Variants in CNTNAP2 observed in about 807,000 individuals in gnomAD.
The protein encoded by CNTNAP2 is contactin-associated protein-like 2.
A neutral mutation model predicts 155.2 loss-of-function variants in CNTNAP2; 98 were observed. The ratio of observed to expected loss-of-function variants is 0.63; its 90% CI spans 0.54 to 0.75. The LOEUF (loss-of-function observed/expected upper bound fraction) is 0.75. Ranked by LOEUF, CNTNAP2 falls within the 30% of genes least tolerant of loss-of-function variation. The pLI, the probability that CNTNAP2 is intolerant of heterozygous loss-of-function variation, is 0.00. For missense variants in CNTNAP2, 1,727 were observed against 1,688.1 expected (o/e 1.02, Z -0.40); for synonymous variants, 651 against 631.2 (o/e 1.03, Z -0.47).
At chr7:146,305,002 C>A (rs916118175) in intron 1 of CNTNAP2, among the ~76,000 whole-genome samples, 1 of 152,068 alleles carries the variant, frequency 6.6e-6, no homozygotes, top group South Asian at 2.1e-4. Flanking sequence ...CTTCTCTTCT[C>A]ACTTCATTTC....
At chr7:146,644,168 A>G (rs1799767193) in intron 1 of CNTNAP2, among the ~76,000 whole-genome samples, 1 of 152,082 alleles carries the variant, frequency 6.6e-6, no homozygotes, top group Admixed American at 6.6e-5. Flanking sequence ...TCTCCTGCCT[A>G]ATTGCCCTGG....
At chr7:148,314,258 T>A (rs969657688) in intron 21 of CNTNAP2, among the ~76,000 whole-genome samples, 1 of 152,184 alleles carries the variant, frequency 6.6e-6, no homozygotes, top group African/African-American at 2.4e-5. Flanking sequence ...GAACAGAGAC[T>A]AGGGAGGGAC....
chr7:146,304,558 G>T (rs112135949), intron 1 of CNTNAP2, among the ~76,000 whole-genome samples: 3 of 151,900 alleles, frequency 2.0e-5, no homozygotes, highest in Admixed American at 6.6e-5. Context: ...TGAAATTCTG[G>T]GTTGGAAACT....
At chr7:146,755,907 G>A (rs933829206) in intron 1 of CNTNAP2, among the ~76,000 whole-genome samples, 2 of 151,790 alleles carry the variant, frequency 1.3e-5, no homozygotes, top group African/African-American at 2.4e-5. Context: ...TTGCCATATC[G>A]TTGTCCATTT....
At chr7:146,691,596 T>G (rs931538636) in intron 1 of CNTNAP2, among the ~76,000 whole-genome samples, 1 of 152,116 alleles carries the variant, frequency 6.6e-6, no homozygotes, top group Non-Finnish European at 1.5e-5. Context: ...AGCTGAAAAT[T>G]TGTAAGGCAA....
At chr7:147,278,166 C>G (rs1804946167) in intron 8 of CNTNAP2, among the ~76,000 whole-genome samples, 1 of 150,978 alleles carries the variant, frequency 6.6e-6, no homozygotes, top group Non-Finnish European at 1.5e-5. Context: ...ACTTCCATCC[C>G]TTAATTCTTG....
At chr7:147,502,079 A>G (rs1798824899) in intron 11 of CNTNAP2, among the ~76,000 whole-genome samples, 1 of 152,216 alleles carries the variant, frequency 6.6e-6, no homozygotes. Flanking sequence ...GACGACACAA[A>G]TAGATGGAAA....
At chr7:146,955,896 C>T (rs376856217) in intron 3 of CNTNAP2, among the ~76,000 whole-genome samples, 53 of 152,162 alleles carry the variant, frequency 3.5e-4, no homozygotes, top group Admixed American at 2.0e-3. Flanking sequence ...GTATTACTTA[C>T]CGCAGTAAAC....
Position 146,697,912 on chromosome 7 carries a change from G to A in CNTNAP2, c.98-76359G>A, listed in dbSNP as rs554915437. On this transcript the variant is annotated intron_variant, in intron 1 of 23. Coordinates refer to ENST00000361727, the MANE Select transcript of CNTNAP2 (RefSeq NM_014141.6). Reference sequence around the variant, plus strand: ...TCCTGCCTTCTTCAGTTTGAAGTGCGCATTTGATATTTTCTACTTTCTCTT... The same window carrying A: ...TCCTGCCTTCTTCAGTTTGAAGTGCACATTTGATATTTTCTACTTTCTCTT... Among the ~76,000 whole-genome samples, 12 of 152,042 alleles carry A rather than the reference G, an allele frequency of 7.9e-5. 1 individual carries two copies. The South Asian group carries it at 1.7e-3, about 21-fold the overall frequency.
At chr7:146,592,856 G>A (rs1388545630) in intron 1 of CNTNAP2, among the ~76,000 whole-genome samples, 1 of 152,120 alleles carries the variant, frequency 6.6e-6, no homozygotes, top group Non-Finnish European at 1.5e-5. Flanking sequence ...AGTGGTGGCA[G>A]GCTGGACAGA....
intron 1 of CNTNAP2, among the ~76,000 whole-genome samples, chr7:146,174,449 G>A (rs985771835): frequency 3.9e-5 from 6 of 151,990 alleles, no homozygotes; most frequent in Non-Finnish European, 5.9e-5. Flanking sequence ...TTGAACTCCT[G>A]ATCTCAAGTG....
chr7:146,505,324 A>G (rs1242798333), intron 1 of CNTNAP2, among the ~76,000 whole-genome samples: 2 of 152,178 alleles, frequency 1.3e-5, no homozygotes, highest in African/African-American at 4.8e-5. Flanking sequence ...GGTCTAAATG[A>G]CAAAGTAGGC....
At chr7:146,758,030 G>A (rs936020131) in intron 1 of CNTNAP2, among the ~76,000 whole-genome samples, 2 of 152,036 alleles carry the variant, frequency 1.3e-5, no homozygotes, top group African/African-American at 4.8e-5. Flanking sequence ...TTTATTTTTT[G>A]TAATGACATT....
chr7:147,545,108 G>A (rs1015939451), intron 11 of CNTNAP2, among the ~76,000 whole-genome samples: 2 of 152,008 alleles, frequency 1.3e-5, no homozygotes, highest in Non-Finnish European at 2.9e-5. Context: ...GGTGTAAAGA[G>A]GAATATAAGT....
chr7:147,461,377 A>T (rs2116588299), intron 10 of CNTNAP2, among the ~76,000 whole-genome samples: 1 of 152,306 alleles, frequency 6.6e-6, no homozygotes, highest in South Asian at 2.1e-4. Context: ...GAAGAGAATA[A>T]AAGTAGGATC....
At chr7:147,800,486 AG>A (rs1462526295) in intron 13 of CNTNAP2, among the ~76,000 whole-genome samples, 1 of 152,064 alleles carries the variant, frequency 6.6e-6, no homozygotes, top group Non-Finnish European at 1.5e-5. Flanking sequence ...AAAAAAAAAA[AG>A]TGACTAACTT....
At chr7:146,320,947 T>C (rs1337150194) in intron 1 of CNTNAP2, among the ~76,000 whole-genome samples, 2 of 152,042 alleles carry the variant, frequency 1.3e-5, no homozygotes, top group African/African-American at 4.8e-5. Context: ...AGAACAGATA[T>C]CAGTTAAGGG....
chr7:146,898,867 C>A (rs1228723951), intron 3 of CNTNAP2, among the ~76,000 whole-genome samples: 2 of 151,940 alleles, frequency 1.3e-5, no homozygotes, highest in Non-Finnish European at 2.9e-5. Context: ...GTCTGATCTG[C>A]CACTTTTTTT....
intron 10 of CNTNAP2, among the ~76,000 whole-genome samples, chr7:147,399,427 G>T (rs1796876954): frequency 1.3e-5 from 2 of 152,072 alleles, no homozygotes; most frequent in South Asian, 4.1e-4. Context: ...AGTGAGATGT[G>T]GCCAATTCTG....
Sources: gnomAD v4.1 joint callset for allele counts (sites outside exome capture counted in the v4.1 genomes callset) on GRCh38, gnomAD v4.1.1 for gene constraint, MANE v1.5 for transcripts, NCBI Gene and HGNC (gene_info 2026-07-23, HGNC 2026-07-21) for gene names.